The following PDE4D variants were observed in gnomAD, a reference collection of about 807,000 sequenced individuals.
The protein encoded by PDE4D is phosphodiesterase 4D.
PDE4D carries 24 observed loss-of-function variants against 87.4 expected under a neutral mutation model. The observed-to-expected ratio is 0.27, with a 90% CI of 0.20 to 0.39. The LOEUF is 0.39. Among genes scored for constraint, PDE4D ranks in the 10% least tolerant of loss-of-function variants. PDE4D has a pLI of 1.00. For missense variants in PDE4D, 714 were observed against 1,041.0 expected, an observed-to-expected ratio of 0.69 and a Z score of 4.32; for synonymous variants, 384 against 383.2, an observed-to-expected ratio of 1.00 and a Z score of -0.02.
rs552457561 is a variant in PDE4D at position 59,092,841 on chromosome 5, T to C, written c.809-53870A>G. 2.0e-5 allele frequency among the ~76,000 whole-genome samples: 3 copies of C among 152,340 alleles called. No homozygotes were observed. In the South Asian group the frequency reaches 6.2e-4, roughly 32 times the overall value. The stretch of plus-strand genomic sequence containing the variant: ...ATTTATCATCATCATCATCTTGCTG[T>C]ACTTTTGTAAACTCACCTTCTCCCG... On this transcript the variant is annotated intron_variant, in intron 5 of 14. Coordinates refer to ENST00000340635, the MANE Select transcript of PDE4D (RefSeq NM_001104631.2).
intron 1 of PDE4D, among the ~76,000 whole-genome samples, chr5:59,570,865 C>T (rs548986191): frequency 2.6e-5 from 4 of 152,132 alleles, no homozygotes; most frequent in African/African-American, 9.6e-5. Context: ...ATCAAGTAGA[C>T]ATGTTAACAA....
chr5:59,298,810 C>G (rs1394771539), intron 1 of PDE4D, among the ~76,000 whole-genome samples: 1 of 152,140 alleles, frequency 6.6e-6, no homozygotes, highest in Non-Finnish European at 1.5e-5. Flanking sequence ...ATGGAAGCTC[C>G]TATTTCAAAT....
chr5:60,316,523 T>C (rs1583398225), intron 1 of PDE4D, among the ~76,000 whole-genome samples: 1 of 152,208 alleles, frequency 6.6e-6, no homozygotes, highest in African/African-American at 2.4e-5. Context: ...TAACACTATG[T>C]TGAGTAGGAG....
intron 6 of PDE4D, among the ~76,000 whole-genome samples, chr5:59,022,976 C>G (rs1176533451): frequency 1.3e-5 from 2 of 152,138 alleles, no homozygotes; most frequent in Admixed American, 1.3e-4. Context: ...GAGTTCGAGA[C>G]CAGCCTGGCC....
intron 1 of PDE4D, among the ~76,000 whole-genome samples, chr5:59,452,018 C>G (rs192588578): frequency 1.0e-3 from 155 of 152,268 alleles, no homozygotes; most frequent in Middle Eastern, 6.8e-3. Flanking sequence ...TGAATGTGGC[C>G]CAACACAAAC....
chr5:59,157,211 G>T (rs1264638564), intron 5 of PDE4D: 1 of 671,880 alleles, frequency 1.5e-6, no homozygotes, highest in African/African-American at 1.8e-5. Context: ...AGCATAAAAT[G>T]GTTAAAACTG....
intron 2 of PDE4D, among the ~76,000 whole-genome samples, chr5:60,053,385 C>T (rs1243581215): frequency 2.6e-5 from 4 of 151,986 alleles, no homozygotes; most frequent in Non-Finnish European, 5.9e-5. Flanking sequence ...GAAATAATGC[C>T]ACACATCTAA....
chr5:60,079,747 G>A (rs1773724112), intron 2 of PDE4D, among the ~76,000 whole-genome samples: 1 of 152,172 alleles, frequency 6.6e-6, no homozygotes, highest in South Asian at 2.1e-4. Flanking sequence ...GTCTGTTTCA[G>A]TACCAGCACC....
At chr5:59,887,850 T>A (rs1201692001) in intron 1 of PDE4D, among the ~76,000 whole-genome samples, 5 of 152,212 alleles carry the variant, frequency 3.3e-5, no homozygotes, top group African/African-American at 1.2e-4. Context: ...TTCACAAATG[T>A]TTTTTAAATG....
chr5:59,584,310 C>T (rs971235074), intron 1 of PDE4D, among the ~76,000 whole-genome samples: 7 of 152,208 alleles, frequency 4.6e-5, no homozygotes, highest in African/African-American at 1.7e-4. Flanking sequence ...AAAACCACCA[C>T]CTTCTTCCTT....
chr5:60,336,242 A>G (rs1372434008), intron 1 of PDE4D, among the ~76,000 whole-genome samples: 1 of 152,212 alleles, frequency 6.6e-6, no homozygotes, highest in Non-Finnish European at 1.5e-5. Flanking sequence ...CCCACTTGGA[A>G]GTTTCTTTCC....
intron 1 of PDE4D, among the ~76,000 whole-genome samples, chr5:59,467,649 C>T (rs1043387734): frequency 1.4e-4 from 21 of 152,230 alleles, no homozygotes; most frequent in East Asian, 9.6e-4. Context: ...TCGAAATCCA[C>T]GGCCATATAA....
At chr5:59,631,692 C>T (rs1006585891) in intron 1 of PDE4D, among the ~76,000 whole-genome samples, 11 of 152,102 alleles carry the variant, frequency 7.2e-5, no homozygotes, top group Non-Finnish European at 1.0e-4. Flanking sequence ...GGGACTGTGC[C>T]GTGAGGAACG....
intron 3 of PDE4D, among the ~76,000 whole-genome samples, chr5:59,911,212 C>G (rs1753403455): frequency 6.6e-6 from 1 of 152,190 alleles, no homozygotes; most frequent in African/African-American, 2.4e-5. Context: ...AATCATGCAT[C>G]TAGAGGTCAC....
chr5:59,817,506 T>C (rs1769108571), intron 1 of PDE4D, among the ~76,000 whole-genome samples: 1 of 152,220 alleles, frequency 6.6e-6, no homozygotes. Context: ...CTCACCCCAA[T>C]TCATATGTTG....
intron 1 of PDE4D, among the ~76,000 whole-genome samples, chr5:60,329,785 T>C (rs773762324): frequency 1.3e-5 from 2 of 152,162 alleles, no homozygotes; most frequent in Non-Finnish European, 2.9e-5. Flanking sequence ...TATATAGTTG[T>C]TTGTCCTCTA....
intron 6 of PDE4D, among the ~76,000 whole-genome samples, chr5:59,035,218 T>G (rs1275919357): frequency 6.6e-6 from 1 of 152,208 alleles, no homozygotes; most frequent in East Asian, 1.9e-4. Flanking sequence ...TTCTAAAAAT[T>G]AGTAAGGTCT....
At chr5:59,375,290 G>T (rs972288786) in intron 1 of PDE4D, among the ~76,000 whole-genome samples, 2 of 151,922 alleles carry the variant, frequency 1.3e-5, no homozygotes, top group Non-Finnish European at 2.9e-5. Context: ...TAGACCACCA[G>T]CTAGATTAAT....
chr5:59,650,709 G>A (rs1240704353), intron 1 of PDE4D, among the ~76,000 whole-genome samples: 1 of 152,014 alleles, frequency 6.6e-6, no homozygotes, highest in Non-Finnish European at 1.5e-5. Context: ...CGATTTTATT[G>A]TAGCAGCTTG....
Sources: allele counts gnomAD v4.1 joint callset (sites outside exome capture counted in the v4.1 genomes callset), GRCh38; gene constraint gnomAD v4.1.1; transcripts MANE v1.5; gene names NCBI Gene and HGNC (gene_info 2026-07-23, HGNC 2026-07-21).